The following TINAG variants were observed in gnomAD, a reference collection of about 807,000 sequenced individuals.
The protein encoded by TINAG is tubulointerstitial nephritis antigen.
A neutral mutation model predicts 72.7 loss-of-function variants in TINAG; 83 were observed. That is an observed-to-expected ratio of 1.14 (90% CI 0.96 to 1.37). TINAG has a LOEUF of 1.37. Ranked by LOEUF, TINAG falls within the 40% of genes most tolerant of loss-of-function variation. The pLI is 0.00. For missense variants in TINAG, 685 were observed against 576.6 expected (o/e 1.19, Z -1.93); for synonymous variants, 234 against 189.9 (o/e 1.23, Z -1.91).
chr6:54,389,000 C>A (rs1764175389), intron 10 of TINAG, among the ~76,000 whole-genome samples: 1 of 152,042 alleles, frequency 6.6e-6, no homozygotes, highest in Admixed American at 6.6e-5. Context: ...TGAATTTGCC[C>A]ACCTTTCTTT....
chr6:54,377,768 G>T (rs1370019465), intron 9 of TINAG, among the ~76,000 whole-genome samples: 1 of 152,066 alleles, frequency 6.6e-6, no homozygotes, highest in African/African-American at 2.4e-5. Context: ...ATAATAGCAA[G>T]TAAAGGAATG....
chr6:54,315,624 C>G (rs186576359), intron 1 of TINAG, among the ~76,000 whole-genome samples: 1 of 151,866 alleles, frequency 6.6e-6, no homozygotes, highest in Non-Finnish European at 1.5e-5. Context: ...CTTCTGTGAG[C>G]TATCATTCCA....
At chr6:54,346,661 C>T (rs778505433) in intron 5 of TINAG, among the ~76,000 whole-genome samples, 6 of 151,590 alleles carry the variant, frequency 4.0e-5, no homozygotes, top group African/African-American at 4.8e-5. Context: ...ATATTCACTT[C>T]GTTTTATATA....
chr6:54,335,325 G>C (rs1369811835), intron 4 of TINAG, among the ~76,000 whole-genome samples: 1 of 152,152 alleles, frequency 6.6e-6, no homozygotes, highest in Non-Finnish European at 1.5e-5. Context: ...AACTCTTAAT[G>C]ATGAGTTGGG....
intron 9 of TINAG, among the ~76,000 whole-genome samples, chr6:54,371,633 A>G (rs925336250): frequency 3.3e-5 from 5 of 151,996 alleles, no homozygotes; most frequent in African/African-American, 1.2e-4. Flanking sequence ...TAAAGGTAGT[A>G]AGGAAAAGAG....
At position 54,360,607 on chromosome 6, in the gene TINAG, G is replaced by C. The variant is rs112402403; in HGVS notation, c.1250+5971G>C. ...TTATTTAATCCCCAAGTCTCAAGTT[G>C]GTTGTAATGCATTAATGCCATTTAC... On this transcript the variant is annotated intron_variant, in intron 9 of 10. Coordinates refer to ENST00000259782, the MANE Select transcript of TINAG (RefSeq NM_014464.4). Among the ~76,000 whole-genome samples the C allele has an allele frequency of 9.2e-5, 14 of 151,400 alleles. 1 individual carries two copies. The highest frequency in any genetic ancestry group is 3.4e-4 in the African/African-American group (14 of 41,354).
intron 4 of TINAG, among the ~76,000 whole-genome samples, chr6:54,330,614 A>G (rs1035911421): frequency 6.6e-6 from 1 of 152,190 alleles, no homozygotes; most frequent in African/African-American, 2.4e-5. Flanking sequence ...TCAGAGCAGA[A>G]ATGAAGGAGA....
chr6:54,319,982 T>C lies in TINAG; in HGVS notation c.356-597T>C, dbSNP rs972300552. Among the ~76,000 whole-genome samples, 3 of 149,258 alleles carry C rather than the reference T, an allele frequency of 2.0e-5. No individual in the cohort carries two copies. In the South Asian group the frequency reaches 6.6e-4, roughly 33 times the overall value. ...CTTTTGAGTAGTTCATATAATCTCATAAAGCAGTTAATAACTAGTTTCAGT... is the reference window on the plus strand; with the variant it reads ...CTTTTGAGTAGTTCATATAATCTCACAAAGCAGTTAATAACTAGTTTCAGT... On this transcript the variant is annotated intron_variant, in intron 1 of 10. Transcript: ENST00000259782.
intron 8 of TINAG, among the ~76,000 whole-genome samples, chr6:54,353,663 A>G (rs780411516): frequency 1.3e-5 from 2 of 151,856 alleles, no homozygotes; most frequent in Non-Finnish European, 2.9e-5. Flanking sequence ...AAACTGGAAC[A>G]TTGAAAAGTT....
chr6:54,383,888 A>G (rs1764021413), intron 10 of TINAG, among the ~76,000 whole-genome samples: 2 of 152,154 alleles, frequency 1.3e-5, no homozygotes, highest in African/African-American at 4.8e-5. Flanking sequence ...ATTCCATTAT[A>G]AAGACACATG....
chr6:54,370,492 A>G (rs1038293341), intron 9 of TINAG, among the ~76,000 whole-genome samples: 1 of 152,088 alleles, frequency 6.6e-6, no homozygotes, highest in African/African-American at 2.4e-5. Context: ...TATACTCTCA[A>G]GTTTATTCTT....
chr6:54,309,073 A>T (rs1034977097), intron 1 of TINAG, among the ~76,000 whole-genome samples, 168 bp downstream of exon 1: 2 of 151,910 alleles, frequency 1.3e-5, no homozygotes, highest in African/African-American at 4.8e-5. Context: ...TTTGGTTTGG[A>T]TGTGGGGTTC....
intron 10 of TINAG, among the ~76,000 whole-genome samples, chr6:54,382,755 C>T (rs980514432): frequency 6.6e-6 from 1 of 152,060 alleles, no homozygotes; most frequent in African/African-American, 2.4e-5. Context: ...TAAAATTTGT[C>T]TACACAGGTA....
intron 6 of TINAG, among the ~76,000 whole-genome samples, chr6:54,348,137 T>C (rs575262272): frequency 6.6e-6 from 1 of 152,202 alleles, no homozygotes; most frequent in Admixed American, 6.6e-5. Flanking sequence ...GTGTTATATA[T>C]ATGTACTGCT....
chr6:54,308,966 G>C, intron 1 of TINAG, 61 bp downstream of exon 1: 1 of 1,339,526 alleles, frequency 7.5e-7, no homozygotes, highest in Non-Finnish European at 1.0e-6. Context: ...TCTGACAAAC[G>C]TTCTCTCTTT....
intron 9 of TINAG, among the ~76,000 whole-genome samples, chr6:54,374,912 T>A (rs556006784): frequency 1.4e-4 from 22 of 152,196 alleles, no homozygotes; most frequent in South Asian, 8.3e-4. Flanking sequence ...CTGTTTTTTT[T>A]AATCTGTCTG....
Position 54,308,669 on chromosome 6 carries a change from C to G in TINAG, c.119C>G (p.Thr40Ser). The change falls in exon 1 of 11, where the codon ACC becomes AGC. Residue 40 changes from threonine to serine, a missense_variant. Physicochemically the swap from Thr to Ser is moderately conservative, Grantham distance 58. Transcript: ENST00000259782. Reference sequence around the variant, plus strand: ...GAGGCTTATTTCACTAGGAATCACACCGTTTTGCAAGGTACTCGATTCAAA... The same window carrying G: ...GAGGCTTATTTCACTAGGAATCACAGCGTTTTGCAAGGTACTCGATTCAAA... The part of the protein sequence containing the change: ...DLEAYFTRNH[T>S]VLQGTRFKRA... 1 of 1,613,826 alleles carries G rather than the reference C, an allele frequency of 6.2e-7. No individual in the cohort carries two copies. Among genetic ancestry groups the G allele is most frequent in the Non-Finnish European group, 8.5e-7 (1 of 1,179,862 alleles).
intron 9 of TINAG, among the ~76,000 whole-genome samples, chr6:54,372,723 CATACATATATATATATATATAT>C (rs1337086158): frequency 4.1e-5 from 5 of 122,630 alleles, no homozygotes; most frequent in Admixed American, 9.9e-5. Flanking sequence ...TATATAAATA[CATACATATATATATATATATAT>C]ATATATATAT....
At chr6:54,335,764 G>A (rs148178544) in intron 4 of TINAG, among the ~76,000 whole-genome samples, 2 of 152,076 alleles carry the variant, frequency 1.3e-5, no homozygotes, top group Admixed American at 6.6e-5. Flanking sequence ...AATTCTTCTC[G>A]ATTAGTGGTG....
Sources: gnomAD v4.1 joint callset for allele counts (sites outside exome capture counted in the v4.1 genomes callset) on GRCh38, gnomAD v4.1.1 for gene constraint, MANE v1.5 for transcripts, NCBI Gene and HGNC (gene_info 2026-07-23, HGNC 2026-07-21) for gene names.